MUC22: variants seen among roughly 807,000 people sequenced by gnomAD.
MUC22 encodes the protein mucin-22.
MUC22 carries 24 observed loss-of-function variants against 40.3 expected under a neutral mutation model. The ratio of observed to expected loss-of-function variants is 0.60; its 90% confidence interval spans 0.43 to 0.84. The LOEUF is 0.84. MUC22 is among the 40% of genes least tolerant of loss of function. The pLI, the probability that MUC22 is intolerant of heterozygous loss-of-function variation, is 0.00. For missense variants in MUC22, 1,926 were observed against 2,130.7 expected, an observed-to-expected ratio of 0.90 and a Z score of 1.89; for synonymous variants, 765 against 844.5, an observed-to-expected ratio of 0.91 and a Z score of 1.63.
rs184765283 is a variant in MUC22, at chr6:31,031,875, T to C, written c.4670-321T>C. 1.3e-4 allele frequency among the ~76,000 whole-genome samples: 20 copies of C among 152,324 alleles called. No individual in the cohort carries two copies. In the East Asian group the frequency reaches 3.7e-3, roughly 28 times the overall value. ...ATTTTTATCAGCCCACCCTCTTCTA[T>C]TTGGGTGGCCACTTCTGAAGTCAAA... On this transcript the variant is annotated intron_variant, in intron 2 of 3. Transcript: ENST00000561890.
chr6:31,026,021 C>T (rs937185643), exon 2 of MUC22: 1 of 1,530,362 alleles, frequency 6.5e-7, no homozygotes, highest in Non-Finnish European at 8.7e-7. Flanking sequence ...GAGACCACCA[C>T]CACCTCCACT....
At chr6:31,033,174 GAAGA>G (rs972799313) in intron 3 of MUC22, among the ~76,000 whole-genome samples, 2 of 151,062 alleles carry the variant, frequency 1.3e-5, no homozygotes, top group African/African-American at 4.9e-5. Flanking sequence ...CGAAAGGAAG[GAAGA>G]AAGAAAAGAA....
At chr6:31,027,615 C>G in exon 2 of MUC22, 1 of 1,527,466 alleles carries the variant, frequency 6.5e-7, no homozygotes, top group East Asian at 2.5e-5. Context: ...CCAAAACAGC[C>G]TATACTACAG....
At chr6:31,007,928 G>A (rs538648270), upstream of MUC22, among the ~76,000 whole-genome samples, 5 of 152,258 alleles carry the variant, frequency 3.3e-5, no homozygotes, top group East Asian at 5.8e-4. This position sits in a 1 kb window ranked among gnomAD's most constrained non-coding sequence, Gnocchi z 4.0. Flanking sequence ...TAATTTTCCC[G>A]ACATGTCCCT....
chr6:31,022,748 A>T (rs1388623099), intron 1 of MUC22, among the ~76,000 whole-genome samples: 4 of 152,096 alleles, frequency 2.6e-5, no homozygotes, highest in Admixed American at 2.6e-4. Context: ...GTAGACAGTG[A>T]TAAAGGTGTA....
intron 1 of MUC22, among the ~76,000 whole-genome samples, chr6:31,020,785 A>G (rs1248071247): frequency 1.3e-5 from 2 of 149,452 alleles, no homozygotes; most frequent in Non-Finnish European, 1.5e-5. Context: ...AGTTCCAGGT[A>G]GGCGTGGGCT....
chr6:31,029,559 T>TA lies in MUC22; in HGVS notation c.4129dup (p.Thr1377AsnfsTer6). 6.6e-7 allele frequency: 1 copy of TA among 1,517,318 alleles called. No individual in the cohort carries two copies. The highest frequency in any genetic ancestry group is 8.8e-7 in the Non-Finnish European group (1 of 1,138,782). 94.0% of individuals were successfully genotyped at this position (1,517,318 alleles called of 1,614,324 possible). A position where few individuals can be genotyped will look rare whatever the true frequency, so the allele number is the denominator to read the frequency against. ...CCTCTACTGAAGGCTCTGAGGCCAC[T>TA]ACAGTTTCTACCACTAGCTCTGAGA... On this transcript the variant is annotated frameshift_variant, in exon 2 of 4. Transcript: ENST00000561890. LOFTEE classifies it high-confidence loss of function.
rs572540037 is a variant in MUC22 at position 31,022,586 on chromosome 6, GAT to G, written c.71-2914_71-2913del. On this transcript the variant is annotated intron_variant, in intron 1 of 3. Transcript: ENST00000561890. ...AATTTTTTTCATTTAAATTTTAAAA[GAT>G]AATATACTTGAGTAATAATGAATTA... Among the ~76,000 whole-genome samples the G allele has an allele frequency of 2.4e-3, 369 of 151,976 alleles. 2 individuals are homozygous for G. Among genetic ancestry groups the G allele is most frequent in the Admixed American group, 5.3e-3 (81 of 15,250 alleles).
At chr6:31,027,336 C>G (rs1342483277) in exon 2 of MUC22, 2 of 1,530,172 alleles carry the variant, frequency 1.3e-6, no homozygotes, top group Non-Finnish European at 1.7e-6. Flanking sequence ...GCTCTGAGAC[C>G]ACCACAGCTT....
chr6:31,022,706 C>G (rs1464154652), intron 1 of MUC22, among the ~76,000 whole-genome samples: 2 of 152,072 alleles, frequency 1.3e-5, no homozygotes, highest in Non-Finnish European at 2.9e-5. Context: ...ACTCTCATGC[C>G]TTTACAGGAA....
At chr6:31,017,154 C>T (rs969767569) in intron 1 of MUC22, among the ~76,000 whole-genome samples, 7 of 152,226 alleles carry the variant, frequency 4.6e-5, no homozygotes, top group South Asian at 2.1e-4. Flanking sequence ...GCACCCGGTC[C>T]CATAGACTGC....
rs1438171858 is a variant in MUC22 at position 31,026,168 on chromosome 6, AG to A, written c.739del (p.Val247Ter). The A allele has an allele frequency of 1.3e-6, 2 of 1,523,720 alleles. No homozygotes were observed. The highest frequency in any genetic ancestry group is 5.0e-5 in the East Asian group (2 of 40,338). The allele number at this position is 1,523,720 out of a possible 1,614,324, so 94.4% of individuals were successfully genotyped here. A position where few individuals can be genotyped will look rare whatever the true frequency, so the allele number is the denominator to read the frequency against. On this transcript the variant is annotated frameshift_variant, in exon 2 of 4. Coordinates refer to ENST00000561890, the Ensembl canonical transcript of MUC22. LOFTEE classifies it high-confidence loss of function. ...ACCACAACCTCAACTGCAGACTCCA[AG>A]GTGATCACGGCATCCAGCATGAGCT...
chr6:31,028,780 A>G (rs1389628681), exon 2 of MUC22: 1 of 1,533,288 alleles, frequency 6.5e-7, no homozygotes, highest in East Asian at 2.5e-5. Context: ...TGAGACCACC[A>G]CAGCCTCTAC....
intron 1 of MUC22, among the ~76,000 whole-genome samples, chr6:31,023,530 G>A (rs1429310500): frequency 6.6e-6 from 1 of 152,116 alleles, no homozygotes; most frequent in African/African-American, 2.4e-5. Context: ...GAGTGACAGA[G>A]CAAGACTCTG....
At chr6:31,010,693 T>C (rs754425228) in exon 1 of MUC22, 9 of 702,606 alleles carry the variant, frequency 1.3e-5, no homozygotes, top group Non-Finnish European at 2.3e-5. Context: ...AACTTCTATG[T>C]GCATCATTTA....
chr6:31,033,133 C>A (rs377330410), intron 3 of MUC22, among the ~76,000 whole-genome samples: 41 of 151,526 alleles, frequency 2.7e-4, no homozygotes, highest in African/African-American at 9.0e-4. Context: ...CCACTGCACT[C>A]CAGCCTGAGT....
At chr6:31,025,659 C>A in exon 2 of MUC22, 1 of 1,533,084 alleles carries the variant, frequency 6.5e-7, no homozygotes, top group Non-Finnish European at 8.7e-7. Flanking sequence ...CTGAGACAAC[C>A]TCAGCCTCCA....
At chr6:31,021,974 C>T (rs78298182) in intron 1 of MUC22, among the ~76,000 whole-genome samples, 18,131 of 151,890 alleles carry the variant, frequency 0.12, 1,259 homozygotes, top group African/African-American at 0.17. Flanking sequence ...AGCTTCACTC[C>T]TGAAGCCAGC....
At chr6:31,014,854 G>C (rs1203793442) in intron 1 of MUC22, among the ~76,000 whole-genome samples, 4 of 152,180 alleles carry the variant, frequency 2.6e-5, no homozygotes, top group African/African-American at 9.7e-5. Context: ...TTATGATACA[G>C]TCAGTCAAAG....
Sources: allele counts gnomAD v4.1 joint callset (sites outside exome capture counted in the v4.1 genomes callset), GRCh38; gene constraint gnomAD v4.1.1; non-coding constraint Gnocchi (gnomAD v3.1); transcripts MANE v1.5; gene names NCBI Gene and HGNC (gene_info 2026-07-23, HGNC 2026-07-21).